LURAP1L: variants seen among roughly 807,000 people sequenced by gnomAD.
LURAP1L encodes the protein leucine rich adaptor protein 1-like.
In LURAP1L, 12 loss-of-function variants were observed where a neutral mutation model predicts 13.8. The ratio of observed to expected loss-of-function variants is 0.87; its 90% CI spans 0.56 to 1.41. The LOEUF (loss-of-function observed/expected upper bound fraction) is 1.41. Among genes scored for constraint, LURAP1L ranks in the 40% most tolerant of loss-of-function variants. The probability of loss-of-function intolerance (pLI) is 0.00; values close to 1 mark genes in which losing one functional copy is unlikely to be tolerated. For missense variants in LURAP1L, 375 were observed against 292.9 expected, an observed-to-expected ratio of 1.28 and a Z score of -2.04; for synonymous variants, 139 against 119.2, an observed-to-expected ratio of 1.17 and a Z score of -1.08.
At chr9:12,778,492 G>C (rs71507330) in intron 1 of LURAP1L, among the ~76,000 whole-genome samples, 31 of 152,250 alleles carry the variant, frequency 2.0e-4, no homozygotes, top group Non-Finnish European at 4.3e-4. Context: ...AAGGATGCTG[G>C]CAGTAATGAG....
At chr9:12,776,517 C>G (rs3750502) in intron 1 of LURAP1L, among the ~76,000 whole-genome samples, 18 of 151,874 alleles carry the variant, frequency 1.2e-4, no homozygotes, top group Admixed American at 8.5e-4. Context: ...CCTAGCTCAC[C>G]CTTCCACCAG....
chr9:12,783,661 T>G (rs1819306559), intron 1 of LURAP1L, among the ~76,000 whole-genome samples: 1 of 152,094 alleles, frequency 6.6e-6, no homozygotes, highest in African/African-American at 2.4e-5. Context: ...GCCTATACTT[T>G]CTCTTTTTTT....
At chr9:12,788,207 A>AAAAGCAAAGC (rs879820716) in intron 1 of LURAP1L, among the ~76,000 whole-genome samples, 4 of 131,578 alleles carry the variant, frequency 3.0e-5, no homozygotes, top group East Asian at 2.1e-4. Flanking sequence ...AAAAGAAAAG[A>AAAAGCAAAGC]AAAGCTCAAT....
intron 1 of LURAP1L, among the ~76,000 whole-genome samples, chr9:12,819,770 T>C (rs1201736924): frequency 1.3e-5 from 2 of 152,032 alleles, no homozygotes; most frequent in Admixed American, 6.5e-5. Flanking sequence ...CTGGCCAGCA[T>C]GGTGAAACCC....
intron 1 of LURAP1L, among the ~76,000 whole-genome samples, chr9:12,816,751 T>G (rs2118549207): frequency 6.6e-6 from 1 of 152,236 alleles, no homozygotes; most frequent in Non-Finnish European, 1.5e-5. Context: ...CAGAGACCTG[T>G]GACATCATAA....
rs560100432 is a variant in LURAP1L at position 12,779,486 on chromosome 9, G to T, written c.312+3459G>T. Among the ~76,000 whole-genome samples, 3 of 152,162 alleles carry T rather than the reference G, an allele frequency of 2.0e-5. No homozygotes were observed. In the South Asian group the frequency reaches 6.2e-4, roughly 32 times the overall value. ...AGACAGGGTTTCACCGTGTTAGCTA[G>T]GATGGTCTCTATCTCCTGACCTCGT... On this transcript the variant is annotated intron_variant, in intron 1 of 1. Transcript: ENST00000319264.
In LURAP1L at chr9:12,775,489, G is replaced by A. The variant is rs10491742; in HGVS notation, c.-227G>A. On this transcript the variant is annotated 5_prime_UTR_variant, in exon 1 of 2. Transcript: ENST00000319264. ...AGGAGATCTTGATCATCTTAGTGTC[G>A]GAGGAGTCGCAGCGGACTGGGAACT... is the stretch of plus-strand genomic sequence containing the variant. 0.51 allele frequency: 276,540 copies of A among 538,728 alleles called. 83,212 individuals are homozygous for A. Among genetic ancestry groups the A allele is most frequent in the Non-Finnish European group, 0.63 (205,340 of 325,280 alleles). The allele number at this position is 538,728 out of a possible 1,614,324, so 33.4% of individuals were successfully genotyped here. A position where few individuals can be genotyped will look rare whatever the true frequency, so the allele number is the denominator to read the frequency against.
At chr9:12,788,775 T>A (rs1199610424) in intron 1 of LURAP1L, among the ~76,000 whole-genome samples, 2 of 132,346 alleles carry the variant, frequency 1.5e-5, no homozygotes, top group Non-Finnish European at 3.4e-5. Flanking sequence ...TTTCTTTTTC[T>A]TAAGCTCCTG....
chr9:12,785,468 C>A (rs139489918), intron 1 of LURAP1L, among the ~76,000 whole-genome samples: 93 of 152,202 alleles, frequency 6.1e-4, no homozygotes, highest in Admixed American at 1.1e-3. Flanking sequence ...CCTAGGCTAC[C>A]TTTCAAGTTT....
chr9:12,802,060 A>T (rs966596514), intron 1 of LURAP1L, among the ~76,000 whole-genome samples: 1 of 152,222 alleles, frequency 6.6e-6, no homozygotes, highest in Non-Finnish European at 1.5e-5. Flanking sequence ...TTCCAGAAGG[A>T]GATATACATA....
chr9:12,819,405 C>T (rs972673971), intron 1 of LURAP1L, among the ~76,000 whole-genome samples: 3 of 152,198 alleles, frequency 2.0e-5, no homozygotes, highest in South Asian at 2.1e-4. Context: ...GTTTATTCAT[C>T]ATGTTCCCTC....
intron 1 of LURAP1L, among the ~76,000 whole-genome samples, chr9:12,800,492 T>A (rs1819570241): frequency 1.3e-5 from 2 of 151,896 alleles, no homozygotes; most frequent in South Asian, 4.2e-4. Flanking sequence ...ACTGTCTTCA[T>A]TATATCAGGA....
At chr9:12,798,764 T>C (rs1009530266) in intron 1 of LURAP1L, among the ~76,000 whole-genome samples, 1 of 152,186 alleles carries the variant, frequency 6.6e-6, no homozygotes, top group Admixed American at 6.5e-5. Flanking sequence ...TCAGAAATAT[T>C]TTTTTGAATT....
intron 1 of LURAP1L, among the ~76,000 whole-genome samples, chr9:12,788,209 A>AAGCTC (rs1819390123): frequency 6.6e-6 from 1 of 150,750 alleles, no homozygotes; most frequent in Non-Finnish European, 1.5e-5. Flanking sequence ...AAGAAAAGAA[A>AAGCTC]AGCTCAATGT....
chr9:12,788,259 A>C (rs182941265), intron 1 of LURAP1L, among the ~76,000 whole-genome samples: 11 of 152,246 alleles, frequency 7.2e-5, no homozygotes, highest in Non-Finnish European at 1.6e-4. Flanking sequence ...AAAATAAAAG[A>C]CTTTCAAGTG....
intron 1 of LURAP1L, among the ~76,000 whole-genome samples, chr9:12,816,411 A>G (rs1819805389): frequency 6.6e-6 from 1 of 152,156 alleles, no homozygotes; most frequent in Non-Finnish European, 1.5e-5. Context: ...CTGTATGCCA[A>G]GCCACTTTCC....
chr9:12,777,678 A>C, intron 1 of LURAP1L: 1 of 709,450 alleles, frequency 1.4e-6, no homozygotes, highest in Non-Finnish European at 1.7e-6. Context: ...TAACTTGAAA[A>C]CAGTAACATT....
intron 1 of LURAP1L, among the ~76,000 whole-genome samples, chr9:12,777,769 C>T (rs940644359): frequency 1.3e-5 from 2 of 152,130 alleles, no homozygotes; most frequent in Non-Finnish European, 2.9e-5. Flanking sequence ...AAAATAATTA[C>T]GTTCCACTTA....
At chr9:12,814,550 G>C (rs1006646243) in intron 1 of LURAP1L, among the ~76,000 whole-genome samples, 2 of 152,256 alleles carry the variant, frequency 1.3e-5, no homozygotes, top group East Asian at 3.9e-4. Context: ...CCTAGAATCT[G>C]ATGAAATCAT....
Sources: gnomAD v4.1 joint callset for allele counts (sites outside exome capture counted in the v4.1 genomes callset) on GRCh38, gnomAD v4.1.1 for gene constraint, MANE v1.5 for transcripts, NCBI Gene and HGNC (gene_info 2026-07-23, HGNC 2026-07-21) for gene names.